Variants in ADRA1A observed in about 807,000 individuals in gnomAD.
ADRA1A encodes adrenoceptor alpha 1A, also known as alpha-1A adrenergic receptor.
A neutral mutation model predicts 29.6 loss-of-function variants in ADRA1A; 31 were observed. The observed-to-expected ratio is 1.05, with a 90% CI of 0.79 to 1.41. ADRA1A has a LOEUF of 1.41. Ranked by LOEUF, ADRA1A falls within the 40% of genes most tolerant of loss-of-function variation. The pLI is 0.00. For synonymous variants in ADRA1A, 311 were observed against 254.3 expected, an observed-to-expected ratio of 1.22 and a Z score of -2.12; for missense variants, 619 against 601.1, an observed-to-expected ratio of 1.03 and a Z score of -0.31.
At position 26,864,978 on chromosome 8, in the gene ADRA1A, C is replaced by A; in HGVS notation, c.-9G>T. 2 of 1,585,502 alleles carry A rather than the reference C, an allele frequency of 1.3e-6. No individual in the cohort carries two copies. The highest frequency in any genetic ancestry group is 1.7e-6 in the Non-Finnish European group (2 of 1,169,008). ...CCCGAGAGAAACACCATGGTCCCAG[C>A]CGGGGCCGGGCGAGGTCCGGCTGTC... On this transcript the variant is annotated 5_prime_UTR_variant, in exon 2 of 3. Transcript: ENST00000380573. The surrounding 1 kb of genome is among the most constrained non-coding windows in gnomAD (Gnocchi z 8.1).
In ADRA1A at chr8:26,788,789, C is replaced by T. The variant is rs116751014; in HGVS notation, c.884-18123G>A. On this transcript the variant is annotated intron_variant, in intron 2 of 2. Coordinates refer to ENST00000380573, the MANE Select transcript of ADRA1A (RefSeq NM_000680.4). Reference sequence around the variant, plus strand: ...GTCCTGTACCTGCTAACACCGAATGCGCTACAACCCACTGCCTGGTTTCTC... The same window carrying T: ...GTCCTGTACCTGCTAACACCGAATGTGCTACAACCCACTGCCTGGTTTCTC... Among the ~76,000 whole-genome samples the T allele has an allele frequency of 4.9e-3, 740 of 152,236 alleles. 7 individuals are homozygous for T. The highest frequency in any genetic ancestry group is 0.017 in the African/African-American group (708 of 41,530).
intron 2 of ADRA1A, among the ~76,000 whole-genome samples, chr8:26,852,650 G>A (rs1401679576): frequency 1.3e-5 from 2 of 152,214 alleles, no homozygotes; most frequent in Non-Finnish European, 2.9e-5. Context: ...CACTATCCAT[G>A]GAAGAAATAG....
intron 2 of ADRA1A, among the ~76,000 whole-genome samples, chr8:26,776,911 T>C (rs1806588409): frequency 6.6e-6 from 1 of 152,178 alleles, no homozygotes; most frequent in Non-Finnish European, 1.5e-5. Context: ...GAGTGGTCTC[T>C]CCGATGTGCC....
intron 2 of ADRA1A, among the ~76,000 whole-genome samples, chr8:26,783,363 G>T (rs144947197): frequency 6.6e-6 from 1 of 152,128 alleles, no homozygotes; most frequent in Non-Finnish European, 1.5e-5. Flanking sequence ...GATCATTTGC[G>T]TGACTGTTAA....
Position 26,864,842 on chromosome 8 carries a change from C to A in ADRA1A, c.128G>T (p.Gly43Val). The A allele has an allele frequency of 1.2e-6, 2 of 1,614,086 alleles. No individual in the cohort carries two copies. Residue 43 changes from glycine to valine, a missense_variant, in exon 2 of 3, where the codon GGT (glycine) becomes GTT (valine). Transcript: ENST00000380573. This position sits in a 1 kb window ranked among gnomAD's most constrained non-coding sequence, Gnocchi z 8.1. ...TACGGAGAGGATCACTAGGATGTTA[C>A]CCAGCACCCCGAAAAGAATGAGGCC... ...LGGLILFGVLGNILVILSVAC... is the reference protein window; with the variant it reads ...LGGLILFGVLVNILVILSVAC...
At chr8:26,783,544 G>A (rs181775820) in intron 2 of ADRA1A, among the ~76,000 whole-genome samples, 41 of 152,308 alleles carry the variant, frequency 2.7e-4, no homozygotes, top group African/African-American at 8.9e-4. Context: ...GTTTCCAACT[G>A]TTCCAGAGAT....
intron 2 of ADRA1A, among the ~76,000 whole-genome samples, chr8:26,817,165 C>T (rs954483397): frequency 2.0e-5 from 3 of 152,010 alleles, no homozygotes; most frequent in Admixed American, 2.0e-4. Flanking sequence ...TCAGAATATA[C>T]AAAACCATCA....
chr8:26,762,122 G>A (rs1002827873), downstream of ADRA1A, among the ~76,000 whole-genome samples: 3 of 152,122 alleles, frequency 2.0e-5, 1 homozygote, highest in Non-Finnish European at 1.5e-5. The surrounding 1 kb of genome is among the most constrained non-coding windows in gnomAD (Gnocchi z 4.0). Flanking sequence ...AAGAGAAAGA[G>A]AAGGTTACTT....
chr8:26,754,502 C>A (rs1321866007), downstream of ADRA1A, among the ~76,000 whole-genome samples: 2 of 151,996 alleles, frequency 1.3e-5, no homozygotes, highest in African/African-American at 4.8e-5. Context: ...TTTGTCACAA[C>A]AATTGTTAAA....
In ADRA1A at chr8:26,770,280, C is replaced by A; in HGVS notation, c.1270G>T (p.Val424Leu). ...ACCTGCAAAAAGCTTTTACTTCTCA[C>A]CCGGGCTGTGGTACAGGAGGATTGG... The part of the protein sequence containing the change: ...KDQSSCTTAR[V>L]RSKSFLQVCC... Residue 424 changes from valine (V) to leucine (L), a missense_variant, in exon 3 of 3, where the codon GTG (valine) becomes TTG (leucine). Coordinates refer to ENST00000380573, the MANE Select transcript of ADRA1A (RefSeq NM_000680.4). 6.2e-7 allele frequency: 1 copy of A among 1,614,182 alleles called. No individual in the cohort carries two copies. Among genetic ancestry groups the A allele is most frequent in the Non-Finnish European group, 8.5e-7 (1 of 1,180,018 alleles).
intron 2 of ADRA1A, among the ~76,000 whole-genome samples, chr8:26,749,348 A>C (rs1448112671): frequency 1.3e-5 from 2 of 152,228 alleles, no homozygotes; most frequent in Non-Finnish European, 2.9e-5. Context: ...TATCTGGCTC[A>C]TTCTGTTTTT....
Position 26,775,041 on chromosome 8 carries a change from G to A in ADRA1A, c.884-4375C>T, listed in dbSNP as rs149457639. On this transcript the variant is annotated intron_variant, in intron 2 of 2. Transcript: ENST00000380573. The surrounding 1 kb of genome is among the most constrained non-coding windows in gnomAD (Gnocchi z 4.1). ...CTGAACCAGCCTGGTTCAGGGGTGG[G>A]TGCCTCTGACCCAGTCACTCTGTGG... Among the ~76,000 whole-genome samples the A allele has an allele frequency of 3.9e-3, 588 of 150,570 alleles. 5 individuals are homozygous for A. Among genetic ancestry groups the A allele is most frequent in the Middle Eastern group, 0.014 (4 of 294 alleles).
At chr8:26,757,715 C>A (rs1805268399) in intron 2 of ADRA1A, among the ~76,000 whole-genome samples, 1 of 152,174 alleles carries the variant, frequency 6.6e-6, no homozygotes, top group Admixed American at 6.5e-5. Context: ...TAAACATTTA[C>A]TTCCAGTAGT....
At chr8:26,800,392 T>G (rs1808488626) in intron 2 of ADRA1A, among the ~76,000 whole-genome samples, 1 of 152,060 alleles carries the variant, frequency 6.6e-6, no homozygotes, top group African/African-American at 2.4e-5. Context: ...TCAAAAACAG[T>G]ATAAAAATAA....
chr8:26,853,462 G>C (rs916184184), intron 2 of ADRA1A, among the ~76,000 whole-genome samples: 2 of 152,146 alleles, frequency 1.3e-5, no homozygotes, highest in African/African-American at 4.8e-5. Context: ...CCTTAACCTA[G>C]AGAATATTAA....
At chr8:26,790,846 C>A (rs939415325) in intron 2 of ADRA1A, among the ~76,000 whole-genome samples, 2 of 152,014 alleles carry the variant, frequency 1.3e-5, no homozygotes, top group African/African-American at 4.8e-5. Context: ...ATTCAGGCAC[C>A]AAAACAGTTT....
chr8:26,788,705 C>A (rs1000525584), intron 2 of ADRA1A, among the ~76,000 whole-genome samples: 26 of 151,696 alleles, frequency 1.7e-4, no homozygotes, highest in Non-Finnish European at 2.7e-4. Flanking sequence ...TGCCAAAAAA[C>A]AATCAGCCAA....
intron 2 of ADRA1A, chr8:26,854,353 C>T (rs1368499569): frequency 6.9e-5 from 10 of 145,430 alleles, no homozygotes; most frequent in African/African-American, 1.8e-4. Context: ...GATTGTGCCA[C>T]TTCACTCCAG....
At chr8:26,833,139 A>T (rs1811109190) in intron 2 of ADRA1A, among the ~76,000 whole-genome samples, 1 of 152,202 alleles carries the variant, frequency 6.6e-6, no homozygotes, top group Non-Finnish European at 1.5e-5. Context: ...TCTGATTCTC[A>T]GAGTATAAAA....
Sources: allele counts gnomAD v4.1 joint callset (sites outside exome capture counted in the v4.1 genomes callset), GRCh38; gene constraint gnomAD v4.1.1; non-coding constraint Gnocchi (gnomAD v3.1); transcripts MANE v1.5; gene names NCBI Gene and HGNC (gene_info 2026-07-23, HGNC 2026-07-21).